The following ZNF347 variants were observed in gnomAD, a reference collection of about 807,000 sequenced individuals.
ZNF347 encodes CTD-2620I22.7.
In ZNF347, 19 loss-of-function variants were observed where a neutral mutation model predicts 12.9. The ratio of observed to expected loss-of-function variants is 1.47; its 90% CI spans 1.03 to 2.16. The LOEUF is 2.16. ZNF347 is among the 30% of genes most tolerant of loss of function. ZNF347 has a pLI of 0.00. For synonymous variants in ZNF347, 328 were observed against 340.6 expected, an observed-to-expected ratio of 0.96 and a Z score of 0.41; for missense variants, 1,005 against 990.6, an observed-to-expected ratio of 1.01 and a Z score of -0.19.
In ZNF347 at chr19:53,140,092, G is replaced by A. The variant is rs2090410336; in HGVS notation, c.*216C>T. 3 of 490,454 alleles carry A rather than the reference G, an allele frequency of 6.1e-6. No homozygotes were observed. The highest frequency in any genetic ancestry group is 3.9e-5 in the African/African-American group (2 of 51,548). 30.4% of individuals were successfully genotyped at this position (490,454 alleles called of 1,614,324 possible). On this transcript the variant is annotated 3_prime_UTR_variant, in exon 5 of 5. Transcript: ENST00000334197. ...ATTGTGTACTTTTAGTAGAAATGGGGTTTCGCCATGTTGGTCAGGCTGGTC... is the reference window on the plus strand; with the variant it reads ...ATTGTGTACTTTTAGTAGAAATGGGATTTCGCCATGTTGGTCAGGCTGGTC...
chr19:53,150,262 T>C (rs1324859142), intron 2 of ZNF347, among the ~76,000 whole-genome samples: 1 of 152,184 alleles, frequency 6.6e-6, no homozygotes, highest in Non-Finnish European at 1.5e-5. Context: ...AGTGCAGAAT[T>C]GCTCCCTTGG....
chr19:53,150,636 C>G (rs1361853079), intron 2 of ZNF347, among the ~76,000 whole-genome samples: 1 of 152,134 alleles, frequency 6.6e-6, no homozygotes, highest in African/African-American at 2.4e-5. Flanking sequence ...TGTACAGTGA[C>G]TTTAAAGAAA....
chr19:53,141,693 C>T lies in ZNF347; in HGVS notation c.1135G>A (p.Gly379Arg). The T allele has an allele frequency of 6.2e-7, 1 of 1,614,062 alleles. No homozygotes were observed. Among genetic ancestry groups the T allele is most frequent in the Non-Finnish European group, 8.5e-7 (1 of 1,179,982 alleles). ...GEKPYKCNECGKAFRARSSLA... is the reference protein window; with the variant it reads ...GEKPYKCNECRKAFRARSSLA... ...CTTGAACGAGCTCTAAAGGCTTTCC[C>T]ACACTCATTACACTTGTAAGGTTTC... The change falls in exon 5 of 5, where the codon GGG becomes AGG. Residue 379 changes from glycine (G) to arginine (R), a missense_variant. Gly to Arg is a moderately radical substitution (Grantham distance 125). Transcript: ENST00000334197.
At position 53,142,484 on chromosome 19, in the gene ZNF347, G is replaced by A. The variant is rs1218616649; in HGVS notation, c.344C>T (p.Thr115Ile). The A allele has an allele frequency of 7.4e-6, 12 of 1,613,596 alleles. No individual in the cohort carries two copies. Among genetic ancestry groups the A allele is most frequent in the African/African-American group, 2.7e-5 (2 of 74,850 alleles). Residue 115 changes from threonine to isoleucine, a missense_variant, in exon 5 of 5, where the codon ACA becomes ATA. Thr to Ile is a moderately conservative substitution (Grantham distance 89). Coordinates refer to ENST00000334197, the MANE Select transcript of ZNF347 (RefSeq NM_032584.3). Reference sequence around the variant, plus strand: ...GCTTTCCTGTCTTTCCAACATCACTGTTTGGAATACTTCTCCTGTATTACT... The same window carrying A: ...GCTTTCCTGTCTTTCCAACATCACTATTTGGAATACTTCTCCTGTATTACT... Reference protein sequence around the residue: ...GKSNTGEVFQTVMLERQESQD... With the variant: ...GKSNTGEVFQIVMLERQESQD...
At position 53,141,674 on chromosome 19, in the gene ZNF347, C is replaced by T. The variant is rs151248865; in HGVS notation, c.1154G>A (p.Arg385His). The T allele has an allele frequency of 1.0e-4, 164 of 1,612,490 alleles. No homozygotes were observed. The highest frequency in any genetic ancestry group is 6.2e-4 in the African/African-American group (46 of 74,372). ...CNECGKAFRA[R>H]SSLAIHQATH... ...TGCCTGATGGATAGCTAAGCTTGAA[C>T]GAGCTCTAAAGGCTTTCCCACACTC... Residue 385 changes from arginine to histidine, a missense_variant, in exon 5 of 5, where the codon CGT becomes CAT. Physicochemically the swap from Arg to His is conservative, Grantham distance 29. Coordinates refer to ENST00000334197, the MANE Select transcript of ZNF347 (RefSeq NM_032584.3).
chr19:53,141,449 T>A lies in ZNF347; in HGVS notation c.1379A>T (p.His460Leu), dbSNP rs183527648. The stretch of plus-strand genomic sequence containing the variant: ...ACGCCTAAAGACCTTGCCGCATTCA[T>A]GACATTTGTAAGGCTTTTCTCCGGT... ...IHTGEKPYKC[H>L]ECGKVFRRNS... The change falls in exon 5 of 5, where the codon CAT becomes CTT. Residue 460 changes from histidine (H) to leucine (L), a missense_variant. Physicochemically the swap from His to Leu is moderately conservative, Grantham distance 99. Transcript: ENST00000334197. 38 of 1,613,958 alleles carry A rather than the reference T, an allele frequency of 2.4e-5. No individual in the cohort carries two copies. The highest frequency in any genetic ancestry group is 2.5e-5 in the Non-Finnish European group (29 of 1,179,990).
rs960779201 is a variant in ZNF347, at chr19:53,135,059, A to C, written c.*5249T>G. 1.4e-3 allele frequency: 206 copies of C among 152,212 alleles called. 1 individual carries two copies. Among genetic ancestry groups the C allele is most frequent in the African/African-American group, 4.5e-3 (187 of 41,518 alleles). The allele number at this position is 152,212 out of a possible 1,614,324, so 9.4% of individuals were successfully genotyped here. On this transcript the variant is annotated 3_prime_UTR_variant, in exon 5 of 5. Transcript: ENST00000334197. ...GTATAGATGGTGAGTAAAGGACAAA[A>C]ATAACTAGCATTGTTACTGTAGCAT...
At chr19:53,152,766 T>C (rs1274286762) in intron 2 of ZNF347, among the ~76,000 whole-genome samples, 2 of 149,944 alleles carry the variant, frequency 1.3e-5, no homozygotes, top group Non-Finnish European at 3.0e-5. Context: ...CCGTCTCTAT[T>C]AAAAATACAA....
At position 53,137,385 on chromosome 19, in the gene ZNF347, C is replaced by G. The variant is rs925716391; in HGVS notation, c.*2923G>C. On this transcript the variant is annotated 3_prime_UTR_variant, in exon 5 of 5. Transcript: ENST00000334197. ...TGGAAGTTCAAATCACGTGTGGGAT[C>G]CTCACCCCAACCCACCCTTTTATTA... 4.6e-5 allele frequency: 7 copies of G among 152,154 alleles called. No homozygotes were observed. The highest frequency in any genetic ancestry group is 1.7e-4 in the African/African-American group (7 of 41,440). 9.4% of individuals were successfully genotyped at this position (152,154 alleles called of 1,614,324 possible).
In ZNF347 at chr19:53,139,038, C is replaced by T. The variant is rs1456553760; in HGVS notation, c.*1270G>A. The stretch of plus-strand genomic sequence containing the variant: ...TTCATCAATCTCTGCTATAAAACAG[C>T]TATTGCCATTCAGTAGAGAAAGTGG... On this transcript the variant is annotated 3_prime_UTR_variant, in exon 5 of 5. Transcript: ENST00000334197. 1.3e-5 allele frequency: 2 copies of T among 152,148 alleles called. No individual in the cohort carries two copies. The highest frequency in any genetic ancestry group is 2.9e-5 in the Non-Finnish European group (2 of 68,016). The allele number at this position is 152,148 out of a possible 1,614,324, so 9.4% of individuals were successfully genotyped here. A position where few individuals can be genotyped will look rare whatever the true frequency, so the allele number is the denominator to read the frequency against.
rs66614865 is a variant in ZNF347, at chr19:53,135,299, A to AATATATATATATAT, written c.*4995_*5008dup. 2 of 72,672 alleles carry AATATATATATATAT rather than the reference A, an allele frequency of 2.8e-5. No individual in the cohort carries two copies. Among genetic ancestry groups the AATATATATATATAT allele is most frequent in the Admixed American group, 1.6e-4 (1 of 6,266 alleles). 4.5% of individuals were successfully genotyped at this position (72,672 alleles called of 1,614,324 possible). A position where few individuals can be genotyped will look rare whatever the true frequency, so the allele number is the denominator to read the frequency against. The stretch of plus-strand genomic sequence containing the variant: ...TCTTCATAGTTCTACCCATTTTCTA[A>AATATATATATATAT]ATATATATATATATATATATATATA... On this transcript the variant is annotated 3_prime_UTR_variant, in exon 5 of 5. Transcript: ENST00000334197.
intron 3 of ZNF347, 165 bp from the exon 4 acceptor site, chr19:53,148,974 A>C: frequency 9.1e-7 from 1 of 1,102,396 alleles, no homozygotes; most frequent in Non-Finnish European, 1.3e-6. Flanking sequence ...TATAATATGC[A>C]AATATATAGC....
intron 2 of ZNF347, among the ~76,000 whole-genome samples, chr19:53,151,662 C>T (rs1450104152): frequency 1.3e-5 from 2 of 151,720 alleles, no homozygotes; most frequent in African/African-American, 4.8e-5. Context: ...TACATATATA[C>T]ACACATCTAT....
rs1333595998 is a variant in ZNF347 at position 53,141,664 on chromosome 19, T to C, written c.1164A>G (p.Leu388=). 6.2e-7 allele frequency: 1 copy of C among 1,613,926 alleles called. No homozygotes were observed. The highest frequency in any genetic ancestry group is 1.7e-5 in the Admixed American group (1 of 59,988). ...CACTGTGGGTTGCCTGATGGATAGC[T>C]AAGCTTGAACGAGCTCTAAAGGCTT... ...CGKAFRARSS[L]AIHQATHSGE... Residue 388 remains leucine (L), a synonymous_variant, in exon 5 of 5, where the codon TTA becomes TTG. Coordinates refer to ENST00000334197, the MANE Select transcript of ZNF347 (RefSeq NM_032584.3).
intron 1 of ZNF347, among the ~76,000 whole-genome samples, chr19:53,155,294 CTGTGTGTGTGTGTGTGTG>C (rs61275588): frequency 0.012 from 1,634 of 141,932 alleles, 28 homozygotes; most frequent in African/African-American, 0.037. Context: ...AGACTTTATT[CTGTGTGTGTGTGTGTGTG>C]TGTGTGTGTG....
intron 4 of ZNF347, among the ~76,000 whole-genome samples, chr19:53,144,710 A>G (rs1159033263): frequency 6.6e-6 from 1 of 152,152 alleles, no homozygotes; most frequent in East Asian, 1.9e-4. Flanking sequence ...TTCACAGTGC[A>G]CTGCAGCCTT....
At chr19:53,156,602 T>C (rs1438478938) in intron 1 of ZNF347, among the ~76,000 whole-genome samples, 1 of 152,190 alleles carries the variant, frequency 6.6e-6, no homozygotes, top group Non-Finnish European at 1.5e-5. Context: ...TGACTGTTCA[T>C]CTGTATCTTC....
intron 4 of ZNF347, among the ~76,000 whole-genome samples, chr19:53,145,394 TC>T (rs1350675777): frequency 2.0e-5 from 3 of 150,512 alleles, no homozygotes; most frequent in Non-Finnish European, 4.4e-5. Context: ...ATAAAACATT[TC>T]TTTTTTTTTT....
intron 4 of ZNF347, among the ~76,000 whole-genome samples, chr19:53,145,030 C>G (rs953441602): frequency 2.0e-5 from 3 of 152,074 alleles, no homozygotes; most frequent in Admixed American, 6.6e-5. Context: ...TGGCTCACAC[C>G]TGTAATCCCA....
Sources: gnomAD v4.1 joint callset for allele counts (sites outside exome capture counted in the v4.1 genomes callset) on GRCh38, gnomAD v4.1.1 for gene constraint, MANE v1.5 for transcripts, NCBI Gene and HGNC (gene_info 2026-07-23, HGNC 2026-07-21) for gene names.